Variants in PTPRD observed in about 807,000 individuals in gnomAD.
The protein encoded by PTPRD is protein tyrosine phosphatase receptor type D, also known as receptor-type tyrosine-protein phosphatase delta.
PTPRD carries 34 observed loss-of-function variants against 214.5 expected under a neutral mutation model. That is an observed-to-expected ratio of 0.16 (90% confidence interval 0.12 to 0.21). The LOEUF (loss-of-function observed/expected upper bound fraction) is 0.21, where lower values mean the gene tolerates loss of function less well. Among genes scored for constraint, PTPRD ranks in the 10% least tolerant of loss-of-function variants. The pLI, the probability that PTPRD is intolerant of heterozygous loss-of-function variation, is 1.00. For missense variants in PTPRD, 2,545 were observed against 2,398.7 expected (o/e 1.06, Z -1.27); for synonymous variants, 1,128 against 845.7 (o/e 1.33, Z -5.79).
intron 2 of PTPRD, among the ~76,000 whole-genome samples, chr9:10,359,712 T>A (rs577378853): frequency 6.6e-6 from 1 of 152,294 alleles, no homozygotes; most frequent in South Asian, 2.1e-4. Flanking sequence ...TAATTAAACC[T>A]ATTTAACATA....
At chr9:10,154,261 G>A (rs1047575138) in intron 3 of PTPRD, among the ~76,000 whole-genome samples, 1 of 152,054 alleles carries the variant, frequency 6.6e-6, no homozygotes, top group Non-Finnish European at 1.5e-5. Flanking sequence ...TTGGCTGCAT[G>A]TATGTCTTCT....
chr9:9,970,296 A>C (rs865970303), intron 4 of PTPRD, among the ~76,000 whole-genome samples: 1 of 151,874 alleles, frequency 6.6e-6, no homozygotes, highest in African/African-American at 2.4e-5. Flanking sequence ...TAAAAGTACA[A>C]AACATTAGCC....
At chr9:9,554,433 T>A (rs1431947728) in intron 8 of PTPRD, among the ~76,000 whole-genome samples, 1 of 151,930 alleles carries the variant, frequency 6.6e-6, no homozygotes, top group Non-Finnish European at 1.5e-5. Flanking sequence ...ATCCTACTCT[T>A]GTTTTTAGGT....
At chr9:10,597,947 T>G (rs981614567) in intron 2 of PTPRD, among the ~76,000 whole-genome samples, 1 of 151,800 alleles carries the variant, frequency 6.6e-6, no homozygotes, top group African/African-American at 2.4e-5. Context: ...TAAAAACTCT[T>G]TGCTGGGAAA....
intron 5 of PTPRD, among the ~76,000 whole-genome samples, chr9:9,851,865 C>T (rs1026893179): frequency 6.6e-6 from 1 of 152,154 alleles, no homozygotes; most frequent in Non-Finnish European, 1.5e-5. Context: ...TAATAAGAAC[C>T]ATGATCCCTT....
chr9:8,736,021 C>A (rs114584935), intron 11 of PTPRD, among the ~76,000 whole-genome samples: 33 of 151,990 alleles, frequency 2.2e-4, no homozygotes, highest in African/African-American at 8.0e-4. Flanking sequence ...ACAAAAAGAG[C>A]CATTTAATGT....
intron 2 of PTPRD, among the ~76,000 whole-genome samples, chr9:10,376,593 CCCT>C (rs770928508): frequency 2.3e-4 from 35 of 151,652 alleles, no homozygotes; most frequent in Non-Finnish European, 4.6e-4. Flanking sequence ...AAAATCATCC[CCCT>C]ATCTCATAGA....
chr9:10,110,785 G>T (rs1034977099), intron 3 of PTPRD, among the ~76,000 whole-genome samples: 2 of 152,206 alleles, frequency 1.3e-5, no homozygotes, highest in African/African-American at 4.8e-5. Context: ...AAAACAGTTA[G>T]AAAGGATATG....
intron 7 of PTPRD, among the ~76,000 whole-genome samples, chr9:9,693,667 C>T (rs147826189): frequency 3.9e-5 from 6 of 152,266 alleles, no homozygotes; most frequent in Admixed American, 6.5e-5. Flanking sequence ...ATTATCCCTT[C>T]GAATAAACTT....
chr9:10,473,220 T>C (rs1171600858), intron 2 of PTPRD, among the ~76,000 whole-genome samples: 1 of 152,010 alleles, frequency 6.6e-6, no homozygotes, highest in Non-Finnish European at 1.5e-5. Flanking sequence ...TTAGAATCAA[T>C]TAGAACACAG....
Position 10,208,427 on chromosome 9 carries a change from G to T in PTPRD, c.-545+132536C>A, listed in dbSNP as rs112293229. Among the ~76,000 whole-genome samples, 957 of 151,762 alleles carry T rather than the reference G, an allele frequency of 6.3e-3. 10 individuals carry two copies. The highest frequency in any genetic ancestry group is 0.037 in the South Asian group (178 of 4,806). On this transcript the variant is annotated intron_variant, in intron 3 of 45. Transcript: ENST00000381196. ...TACTCGGGAGGCTGAGGCAGGAGAA[G>T]GGCGTGAACCCGGGAGGCGGAGCTT...
In PTPRD at chr9:9,066,733, C is replaced by CA. The variant is rs529892348; in HGVS notation, c.-142-47999dup. 2.2e-4 allele frequency among the ~76,000 whole-genome samples: 33 copies of CA among 152,214 alleles called. No individual in the cohort carries two copies. In the East Asian group the frequency reaches 6.4e-3, roughly 29 times the overall value. Reference sequence around the variant, plus strand: ...CACAAAGGCAGAGATTGAAATGATACAGCCATAAGCCCGACCATGGGGTAG... The same window carrying CA: ...CACAAAGGCAGAGATTGAAATGATACAAGCCATAAGCCCGACCATGGGGTAG... On this transcript the variant is annotated intron_variant, in intron 10 of 45. Transcript: ENST00000381196.
At chr9:9,831,987 T>G (rs1325076671) in intron 5 of PTPRD, among the ~76,000 whole-genome samples, 1 of 151,986 alleles carries the variant, frequency 6.6e-6, no homozygotes, top group Non-Finnish European at 1.5e-5. Flanking sequence ...GGGTATGCCA[T>G]AGAATAAGGA....
chr9:9,651,823 TTTG>T (rs1470432448), intron 7 of PTPRD, among the ~76,000 whole-genome samples: 37 of 134,854 alleles, frequency 2.7e-4, no homozygotes, highest in African/African-American at 1.0e-3. Flanking sequence ...TTATTCAAGG[TTTG>T]TTTTTTTTTT....
chr9:10,027,910 C>A (rs1325089782), intron 4 of PTPRD, among the ~76,000 whole-genome samples: 2 of 151,870 alleles, frequency 1.3e-5, no homozygotes, highest in African/African-American at 2.4e-5. Context: ...ATTTTGTTTC[C>A]ACTGATGAAT....
chr9:10,316,170 T>TATAG (rs2096421765), intron 3 of PTPRD, among the ~76,000 whole-genome samples: 2 of 146,934 alleles, frequency 1.4e-5, no homozygotes, highest in Non-Finnish European at 3.0e-5. Context: ...TATCTATGTA[T>TATAG]ATATACATAG....
At chr9:10,361,017 G>A (rs146509307) in intron 2 of PTPRD, among the ~76,000 whole-genome samples, 98 of 152,182 alleles carry the variant, frequency 6.4e-4, no homozygotes, top group African/African-American at 1.8e-3. Context: ...CAGGAGAATG[G>A]CGTGAACACG....
chr9:10,465,126 C>T (rs867195535), intron 2 of PTPRD, among the ~76,000 whole-genome samples: 1 of 152,148 alleles, frequency 6.6e-6, no homozygotes, highest in East Asian at 1.9e-4. Flanking sequence ...GATTAATTCC[C>T]ACTAATAACA....
intron 11 of PTPRD, among the ~76,000 whole-genome samples, chr9:8,881,598 A>T (rs2098446753): frequency 6.6e-6 from 1 of 152,208 alleles, no homozygotes; most frequent in Admixed American, 6.5e-5. Context: ...ACTAACCATA[A>T]TTCAACGTAC....
Sources: allele counts gnomAD v4.1 joint callset (sites outside exome capture counted in the v4.1 genomes callset), GRCh38; gene constraint gnomAD v4.1.1; transcripts MANE v1.5; gene names NCBI Gene and HGNC (gene_info 2026-07-23, HGNC 2026-07-21).